The following GNB1 variants were observed in gnomAD, a reference collection of about 807,000 sequenced individuals.
The protein encoded by GNB1 is G protein subunit beta 1.
A neutral mutation model predicts 42.9 loss-of-function variants in GNB1; 2 were observed. That is an observed-to-expected ratio of 0.05 (90% CI 0.02 to 0.15). The LOEUF is 0.15. Ranked by LOEUF, GNB1 falls within the 10% of genes least tolerant of loss-of-function variation. The pLI, the probability that GNB1 is intolerant of heterozygous loss-of-function variation, is 1.00. For missense variants in GNB1, 193 were observed against 462.2 expected, an observed-to-expected ratio of 0.42 and a Z score of 5.34; for synonymous variants, 183 against 174.7, an observed-to-expected ratio of 1.05 and a Z score of -0.38.
chr1:1,880,889 TAGA>T (rs1009564899), intron 1 of GNB1, among the ~76,000 whole-genome samples: 9 of 149,416 alleles, frequency 6.0e-5, no homozygotes, highest in Admixed American at 1.4e-4. Flanking sequence ...CCATGGAGCT[TAGA>T]AGAAGTGGGA....
chr1:1,800,753 T>TAAAAAAAAAAAAAAAAAAAAAAA (rs943269814), intron 7 of GNB1, among the ~76,000 whole-genome samples: 2 of 115,322 alleles, frequency 1.7e-5, no homozygotes, highest in Admixed American at 8.9e-5. Context: ...TTTAGATTGT[T>TAAAAAAAAAAAAAAAAAAAAAAA]AAAAAAAAAA....
At chr1:1,825,893 C>G (rs988020813) in intron 2 of GNB1, among the ~76,000 whole-genome samples, 2 of 151,132 alleles carry the variant, frequency 1.3e-5, no homozygotes, top group Admixed American at 1.3e-4. Flanking sequence ...AGTCTGAGAA[C>G]TATGGTCTCA....
At chr1:1,789,337 C>T (rs1445129434) in intron 9 of GNB1, 68 bp from the exon 10 acceptor site, 1 of 880,624 alleles carries the variant, frequency 1.1e-6, no homozygotes, top group Admixed American at 1.9e-5. Context: ...ATATGGATTG[C>T]TCAATGGTAG....
Position 1,787,446 on chromosome 1 carries a change from AAAC to A in GNB1, c.917-12_917-10del. ...ATGCCCAGCCAAGACACCTGGGAGC[AAAC>A]AACAGCAGAATCACACCAAAGCCCA... On this transcript the variant is annotated splice_polypyrimidine_tract_variant and intron_variant, in intron 10 of 11. Coordinates refer to ENST00000378609, the MANE Select transcript of GNB1 (RefSeq NM_002074.5). The surrounding 1 kb of genome is among the most constrained non-coding windows in gnomAD (Gnocchi z 4.4). 6.4e-7 allele frequency: 1 copy of A among 1,554,916 alleles called. No homozygotes were observed.
At chr1:1,867,235 C>A (rs1409596354) in intron 1 of GNB1, among the ~76,000 whole-genome samples, 1 of 152,156 alleles carries the variant, frequency 6.6e-6, no homozygotes, top group South Asian at 2.1e-4. Context: ...CCACTTCACC[C>A]CAGCCTGGCA....
intron 10 of GNB1, 166 bp downstream of exon 10, chr1:1,788,887 C>CT (rs1646442083): frequency 3.3e-6 from 2 of 597,752 alleles, no homozygotes; most frequent in Non-Finnish European, 6.0e-6. Flanking sequence ...GTCCACTTGC[C>CT]TGGAGGGTCA....
In GNB1 at chr1:1,785,790, G is replaced by A. The variant is rs1015560514; in HGVS notation, c.*1273C>T. On this transcript the variant is annotated 3_prime_UTR_variant, in exon 12 of 12. Transcript: ENST00000378609. ...CCACCCTCAGAATCCAACAGCAGTC[G>A]TTTGCAACAGAACTTTTTTTTTTTT... 16 of 336,332 alleles carry A rather than the reference G, an allele frequency of 4.8e-5. No homozygotes were observed. Among genetic ancestry groups the A allele is most frequent in the Admixed American group, 2.9e-4 (6 of 20,562 alleles). 20.8% of individuals were successfully genotyped at this position (336,332 alleles called of 1,614,324 possible).
At chr1:1,788,605 A>G (rs1217042372) in intron 10 of GNB1, 2 of 175,600 alleles carry the variant, frequency 1.1e-5, no homozygotes, top group Non-Finnish European at 2.5e-5. Context: ...TGTAAGTGTC[A>G]ACAGTTCTCA....
intron 2 of GNB1, among the ~76,000 whole-genome samples, chr1:1,830,959 T>C (rs946585902): frequency 9.2e-5 from 14 of 152,014 alleles, no homozygotes; most frequent in Non-Finnish European, 1.2e-4. Flanking sequence ...AGGTTAGGAG[T>C]TCGAGACCAG....
chr1:1,794,511 C>T (rs903287501), intron 7 of GNB1, among the ~76,000 whole-genome samples: 3 of 152,038 alleles, frequency 2.0e-5, no homozygotes, highest in Admixed American at 2.0e-4. Context: ...TCTTGGGATA[C>T]CTGTTTAGAT....
intron 1 of GNB1, among the ~76,000 whole-genome samples, chr1:1,843,070 G>A (rs1332088442): frequency 1.3e-5 from 2 of 152,126 alleles, no homozygotes; most frequent in African/African-American, 4.8e-5. Context: ...CATCCCGAGA[G>A]GCAATACTGA....
intron 8 of GNB1, among the ~76,000 whole-genome samples, chr1:1,791,065 G>A (rs1646475245): frequency 6.6e-6 from 1 of 152,162 alleles, no homozygotes; most frequent in African/African-American, 2.4e-5. Context: ...GGCAGGAGAA[G>A]GCCAATGCCA....
chr1:1,858,141 T>C (rs1648407980), intron 1 of GNB1, among the ~76,000 whole-genome samples: 1 of 152,198 alleles, frequency 6.6e-6, no homozygotes, highest in Non-Finnish European at 1.5e-5. Flanking sequence ...CTGGTGTTTT[T>C]TCTTTTCTTT....
intron 1 of GNB1, among the ~76,000 whole-genome samples, chr1:1,873,459 C>T (rs1649360543): frequency 6.6e-6 from 1 of 152,188 alleles, no homozygotes; most frequent in South Asian, 2.1e-4. Flanking sequence ...CCCTTGCTAG[C>T]GTGGCCAGCA....
At chr1:1,843,437 G>C (rs1030057652) in intron 1 of GNB1, among the ~76,000 whole-genome samples, 2 of 152,080 alleles carry the variant, frequency 1.3e-5, no homozygotes, top group Admixed American at 1.3e-4. Flanking sequence ...ATACTGCGCA[G>C]GCTGGTCTTT....
intron 4 of GNB1, among the ~76,000 whole-genome samples, chr1:1,817,254 G>A (rs573982386): frequency 1.3e-5 from 2 of 152,252 alleles, no homozygotes; most frequent in African/African-American, 4.8e-5. Flanking sequence ...GTTTATCCAC[G>A]TTGCAGCCTC....
At chr1:1,870,869 T>G (rs1371373614) in intron 1 of GNB1, among the ~76,000 whole-genome samples, 1 of 150,716 alleles carries the variant, frequency 6.6e-6, no homozygotes, top group African/African-American at 2.4e-5. Context: ...ACCTGGGAGG[T>G]GGAGTGAGCC....
In GNB1 at chr1:1,790,655, T is replaced by A. The variant is rs1475217582; in HGVS notation, c.498-59A>T. On this transcript the variant is annotated intron_variant, in intron 8 of 11. Transcript: ENST00000378609. The surrounding 1 kb of genome is among the most constrained non-coding windows in gnomAD (Gnocchi z 5.4). The stretch of plus-strand genomic sequence containing the variant: ...CCTTAACTTCTTGGGTGGCTAGTCA[T>A]GTGACAGACAATCTGTCCTTCAAAC... 2.5e-6 allele frequency: 3 copies of A among 1,184,354 alleles called. No homozygotes were observed. In the African/African-American group the frequency reaches 4.5e-5, roughly 18 times the overall value. 73.4% of individuals were successfully genotyped at this position (1,184,354 alleles called of 1,614,324 possible).
intron 2 of GNB1, among the ~76,000 whole-genome samples, chr1:1,828,457 CAAG>C (rs1029004685): frequency 2.6e-5 from 4 of 152,076 alleles, no homozygotes; most frequent in African/African-American, 9.7e-5. Flanking sequence ...ACATATTATA[CAAG>C]AACATGTACA....
Sources: allele counts gnomAD v4.1 joint callset (sites outside exome capture counted in the v4.1 genomes callset), GRCh38; gene constraint gnomAD v4.1.1; non-coding constraint Gnocchi (gnomAD v3.1); transcripts MANE v1.5; gene names NCBI Gene and HGNC (gene_info 2026-07-23, HGNC 2026-07-21).